STAG1: variants seen among roughly 807,000 people sequenced by gnomAD.
STAG1 encodes the protein cohesin subunit SA-1.
A neutral mutation model predicts 170.9 loss-of-function variants in STAG1; 26 were observed. That is an observed-to-expected ratio of 0.15 (90% CI 0.11 to 0.21). The LOEUF is 0.21. STAG1 is among the 10% of genes least tolerant of loss of function. STAG1 has a pLI of 1.00. For synonymous variants in STAG1, 514 were observed against 497.7 expected (o/e 1.03, Z -0.44); for missense variants, 964 against 1,509.5 (o/e 0.64, Z 5.99).
chr3:136,523,428 G>C (rs550095123), intron 6 of STAG1, among the ~76,000 whole-genome samples: 24 of 150,182 alleles, frequency 1.6e-4, no homozygotes, highest in African/African-American at 5.9e-4. Context: ...TTTCTTTCTT[G>C]TAAATTTGTT....
At chr3:136,640,240 T>C (rs1940738080) in intron 1 of STAG1, among the ~76,000 whole-genome samples, 1 of 152,242 alleles carries the variant, frequency 6.6e-6, no homozygotes, top group East Asian at 1.9e-4. Context: ...AAAGTTATTT[T>C]ATAACAAAAA....
intron 6 of STAG1, among the ~76,000 whole-genome samples, chr3:136,524,732 T>G (rs985022090): frequency 1.3e-5 from 2 of 152,108 alleles, no homozygotes; most frequent in African/African-American, 4.8e-5. Context: ...GGCTGTGGGT[T>G]TGTCATAGAT....
At chr3:136,368,545 T>C (rs1937168045) in intron 24 of STAG1, among the ~76,000 whole-genome samples, 1 of 151,880 alleles carries the variant, frequency 6.6e-6, no homozygotes, top group Non-Finnish European at 1.5e-5. Flanking sequence ...AAACAACATC[T>C]ATCCTACATA....
At chr3:136,370,317 T>C (rs1376468046) in intron 23 of STAG1, among the ~76,000 whole-genome samples, 6 of 152,002 alleles carry the variant, frequency 3.9e-5, no homozygotes, top group Non-Finnish European at 5.9e-5. Flanking sequence ...TTCTGACACT[T>C]TGTAGGCCTA....
intron 21 of STAG1, among the ~76,000 whole-genome samples, chr3:136,408,423 A>C (rs970577135): frequency 3.3e-5 from 5 of 152,214 alleles, no homozygotes; most frequent in African/African-American, 1.2e-4. Context: ...GAAGTTACTA[A>C]AACAGAAAGG....
chr3:136,722,650 C>CTTT (rs1933354437), intron 1 of STAG1, among the ~76,000 whole-genome samples: 1 of 145,710 alleles, frequency 6.9e-6, no homozygotes, highest in African/African-American at 2.5e-5. Context: ...CCCTCCCTCT[C>CTTT]CCCTCTCCCT....
At chr3:136,515,768 A>T (rs902031294) in intron 7 of STAG1, among the ~76,000 whole-genome samples, 3 of 152,214 alleles carry the variant, frequency 2.0e-5, no homozygotes, top group Non-Finnish European at 2.9e-5. Context: ...TCAAAAAAGT[A>T]ATTACATTTT....
At chr3:136,673,703 C>T (rs1942043376) in intron 1 of STAG1, among the ~76,000 whole-genome samples, 1 of 152,128 alleles carries the variant, frequency 6.6e-6, no homozygotes, top group South Asian at 2.1e-4. Context: ...ATGCTTTTGT[C>T]TCCAACTTTG....
At chr3:136,543,834 T>C (rs79334894) in intron 5 of STAG1, among the ~76,000 whole-genome samples, 1,694 of 152,306 alleles carry the variant, frequency 0.011, 28 homozygotes, top group East Asian at 0.048. Flanking sequence ...TGTAAAGTAT[T>C]TGGCATTGCA....
chr3:136,659,827 C>T (rs1303105377), intron 1 of STAG1, among the ~76,000 whole-genome samples: 1 of 152,096 alleles, frequency 6.6e-6, no homozygotes, highest in Non-Finnish European at 1.5e-5. Context: ...CTATAATATA[C>T]TAGAAAAATT....
chr3:136,339,286 A>G (rs1399553404), intron 32 of STAG1, among the ~76,000 whole-genome samples: 1 of 152,202 alleles, frequency 6.6e-6, no homozygotes, highest in East Asian at 1.9e-4. Flanking sequence ...TCACACCTGT[A>G]ATCCCAGGTG....
At chr3:136,574,914 A>T (rs900106570) in intron 4 of STAG1, among the ~76,000 whole-genome samples, 1 of 152,200 alleles carries the variant, frequency 6.6e-6, no homozygotes, top group Non-Finnish European at 1.5e-5. Flanking sequence ...TAAATCATAA[A>T]TCAAACCTCT....
intron 26 of STAG1, among the ~76,000 whole-genome samples, chr3:136,360,677 CTT>C (rs199541017): frequency 6.6e-6 from 1 of 151,308 alleles, no homozygotes; most frequent in Non-Finnish European, 1.5e-5. Context: ...TTTATAAATT[CTT>C]TTTTTTTCCT....
At chr3:136,494,463 C>A (rs1417871485) in intron 9 of STAG1, among the ~76,000 whole-genome samples, 1 of 152,102 alleles carries the variant, frequency 6.6e-6, no homozygotes, top group Non-Finnish European at 1.5e-5. Context: ...AAGAATAGTT[C>A]CCAGTGTATT....
chr3:136,547,412 T>C (rs1192146422), intron 5 of STAG1, among the ~76,000 whole-genome samples: 2 of 152,072 alleles, frequency 1.3e-5, no homozygotes, highest in Non-Finnish European at 2.9e-5. Flanking sequence ...CTGTGACACT[T>C]TCTCAGACTG....
intron 21 of STAG1, among the ~76,000 whole-genome samples, chr3:136,399,925 A>G (rs1349831671): frequency 2.0e-5 from 3 of 152,070 alleles, no homozygotes; most frequent in Non-Finnish European, 2.9e-5. Flanking sequence ...AAAGAAACAA[A>G]CTTTCTTTTT....
intron 3 of STAG1, among the ~76,000 whole-genome samples, chr3:136,614,485 C>T (rs1364844602): frequency 6.6e-6 from 1 of 152,018 alleles, no homozygotes; most frequent in Non-Finnish European, 1.5e-5. Flanking sequence ...TGAAAGAAAG[C>T]CTGCAGCAAC....
chr3:136,562,637 G>A (rs1003744902), intron 5 of STAG1, among the ~76,000 whole-genome samples: 2 of 151,940 alleles, frequency 1.3e-5, no homozygotes, highest in African/African-American at 4.8e-5. Context: ...GCCCAGGCAG[G>A]AGTGCAATGG....
At chr3:136,576,067 T>G (rs1937445791) in intron 4 of STAG1, among the ~76,000 whole-genome samples, 1 of 152,192 alleles carries the variant, frequency 6.6e-6, no homozygotes, top group Admixed American at 6.5e-5. Context: ...TATACTACTA[T>G]TTACTATTTT....
Sources: allele counts gnomAD v4.1 joint callset (sites outside exome capture counted in the v4.1 genomes callset), GRCh38; gene constraint gnomAD v4.1.1; transcripts MANE v1.5; gene names NCBI Gene and HGNC (gene_info 2026-07-23, HGNC 2026-07-21).